The following GALNT5 variants were observed in gnomAD, a reference collection of about 807,000 sequenced individuals.
GALNT5 encodes the protein UDP-GalNAc:polypeptide N-acetylgalactosaminyltransferase 5.
GALNT5 carries 72 observed loss-of-function variants against 85.4 expected under a neutral mutation model. The ratio of observed to expected loss-of-function variants is 0.84; its 90% CI spans 0.70 to 1.03. The LOEUF (loss-of-function observed/expected upper bound fraction) is 1.03. Among genes scored for constraint, GALNT5 ranks in the 50% least tolerant of loss-of-function variants. GALNT5 has a pLI of 0.00. For synonymous variants in GALNT5, 404 were observed against 397.0 expected, an observed-to-expected ratio of 1.02 and a Z score of -0.21; for missense variants, 1,137 against 1,135.5, an observed-to-expected ratio of 1.00 and a Z score of -0.02.
rs138485995 is a variant in GALNT5, at chr2:157,304,390, C to A, written c.2440-1359C>A. On this transcript the variant is annotated intron_variant, in intron 7 of 9. Transcript: ENST00000259056. The stretch of plus-strand genomic sequence containing the variant: ...CAGGCACCTCAGAAGTAATTAACAA[C>A]CTGGTACTATTTTTAATGTTTGTTT... Among the ~76,000 whole-genome samples, 150 of 152,310 alleles carry A rather than the reference C, an allele frequency of 9.8e-4. 2 individuals are homozygous for A. In the East Asian group the frequency reaches 0.018, roughly 18 times the overall value.
intron 5 of GALNT5, chr2:157,298,787 G>A (rs1312129683): frequency 6.6e-6 from 1 of 152,256 alleles, no homozygotes; most frequent in African/African-American, 2.4e-5. Flanking sequence ...ACAGTGGAGT[G>A]AGTGGCACAG....
At chr2:157,300,026 T>C (rs1248253349) in intron 6 of GALNT5, among the ~76,000 whole-genome samples, 3 of 152,216 alleles carry the variant, frequency 2.0e-5, no homozygotes, top group Non-Finnish European at 4.4e-5. Flanking sequence ...TAATGGATCA[T>C]CTTAGAGAAC....
chr2:157,258,962 A>G lies in GALNT5; in HGVS notation c.880A>G (p.Asn294Asp). Reference sequence around the variant, plus strand: ...AAATCGCTTAAGGAAGCAATCTATTAATGAGACACCTTTGGGAAGTTTGTC... The same window carrying G: ...AAATCGCTTAAGGAAGCAATCTATTGATGAGACACCTTTGGGAAGTTTGTC... Reference protein sequence around the residue: ...NSNRLRKQSINETPLGSLSKD... With the variant: ...NSNRLRKQSIDETPLGSLSKD... Residue 294 changes from asparagine (N) to aspartate (D), a missense_variant, in exon 1 of 10, where the codon AAT becomes GAT. Physicochemically the swap from Asn to Asp is conservative, Grantham distance 23. Coordinates refer to ENST00000259056, the MANE Select transcript of GALNT5 (RefSeq NM_014568.3). The G allele has an allele frequency of 1.3e-6, 2 of 1,515,918 alleles. No individual in the cohort carries two copies. Among genetic ancestry groups the G allele is most frequent in the African/African-American group, 1.4e-5 (1 of 71,898 alleles). The allele number at this position is 1,515,918 out of a possible 1,614,324, so 93.9% of individuals were successfully genotyped here.
At chr2:157,261,475 A>T (rs1167712662) in intron 1 of GALNT5, among the ~76,000 whole-genome samples, 1 of 152,180 alleles carries the variant, frequency 6.6e-6, no homozygotes, top group African/African-American at 2.4e-5. Flanking sequence ...AAAAATTGAC[A>T]CATGTGCTTG....
chr2:157,315,290 A>G lies in GALNT5; in HGVS notation c.*3942A>G, dbSNP rs1683676148. 6.6e-6 allele frequency among the ~76,000 whole-genome samples: 1 copy of G among 152,202 alleles called. No individual in the cohort carries two copies. The highest frequency in any genetic ancestry group is 2.4e-5 in the African/African-American group (1 of 41,440). On this transcript the variant is annotated 3_prime_UTR_variant, in exon 10 of 10. Coordinates refer to ENST00000259056, the MANE Select transcript of GALNT5 (RefSeq NM_014568.3). ...CATTCTCCCTGTTATATGAACAAGAAGGATAACTCCCACATACAGATGAGG... is the reference window on the plus strand; with the variant it reads ...CATTCTCCCTGTTATATGAACAAGAGGGATAACTCCCACATACAGATGAGG...
chr2:157,299,189 C>A (rs1201213815), intron 5 of GALNT5: 1 of 156,432 alleles, frequency 6.4e-6, no homozygotes, highest in Non-Finnish European at 1.4e-5. Context: ...ATTGCACACA[C>A]AAGATTTTTT....
intron 1 of GALNT5, among the ~76,000 whole-genome samples, chr2:157,274,365 G>A (rs1682670525): frequency 6.6e-6 from 1 of 151,274 alleles, no homozygotes; most frequent in South Asian, 2.1e-4. Flanking sequence ...ATTTCTATGG[G>A]AATGGTATTT....
intron 3 of GALNT5, among the ~76,000 whole-genome samples, chr2:157,294,430 A>C (rs1683165056): frequency 6.6e-6 from 1 of 152,198 alleles, no homozygotes; most frequent in African/African-American, 2.4e-5. Flanking sequence ...AAAGCACTGA[A>C]TAGTGAGTCA....
In GALNT5 at chr2:157,311,350, G is replaced by A. The variant is rs1173286413; in HGVS notation, c.*2G>A. 4 of 1,587,934 alleles carry A rather than the reference G, an allele frequency of 2.5e-6. No individual in the cohort carries two copies. The highest frequency in any genetic ancestry group is 3.4e-6 in the Non-Finnish European group (4 of 1,163,600). On this transcript the variant is annotated 3_prime_UTR_variant, in exon 10 of 10. Transcript: ENST00000259056. ...TTTGAAAAATATTATGAAGCCTGAA[G>A]TGTAACTGATGTTTTTATATAGTAA...
intron 1 of GALNT5, among the ~76,000 whole-genome samples, chr2:157,281,931 G>T (rs1367263806): frequency 6.6e-6 from 1 of 152,150 alleles, no homozygotes; most frequent in Non-Finnish European, 1.5e-5. Context: ...GAGTACAAAT[G>T]TGAGAGAAAA....
intron 8 of GALNT5, 92 bp from the exon 9 acceptor site, chr2:157,308,475 T>C: frequency 1.2e-6 from 1 of 869,024 alleles, no homozygotes; most frequent in South Asian, 1.8e-5. Flanking sequence ...TCATAGTTCC[T>C]ATATTCTTAA....
At chr2:157,281,771 G>A (rs889888115) in intron 1 of GALNT5, among the ~76,000 whole-genome samples, 4 of 152,156 alleles carry the variant, frequency 2.6e-5, no homozygotes, top group Non-Finnish European at 4.4e-5. Flanking sequence ...AAAATGATCC[G>A]TGTTACATAG....
At chr2:157,269,560 T>A (rs1558890980) in intron 1 of GALNT5, among the ~76,000 whole-genome samples, 2 of 152,212 alleles carry the variant, frequency 1.3e-5, no homozygotes, top group Admixed American at 6.5e-5. Context: ...TAGCATCTAG[T>A]GGAATCTCTC....
intron 1 of GALNT5, among the ~76,000 whole-genome samples, chr2:157,283,071 T>C (rs570062519): frequency 1.3e-5 from 2 of 152,352 alleles, no homozygotes; most frequent in Admixed American, 1.3e-4. Context: ...TCTATTCTTG[T>C]GGATCTAAGG....
chr2:157,302,618 T>A (rs1194521685), intron 7 of GALNT5: 1 of 151,516 alleles, frequency 6.6e-6, no homozygotes, highest in African/African-American at 2.4e-5. Flanking sequence ...ACTATTCTAA[T>A]ATTTCCCATT....
chr2:157,296,479 G>A lies in GALNT5; in HGVS notation c.1963G>A (p.Ala655Thr), dbSNP rs1683216970. Reference sequence around the variant, plus strand: ...GAGAACAATTCCTCCAGATGTCATTGCAAAAAACAGAATTAAAGAAACTGA... The same window carrying A: ...GAGAACAATTCCTCCAGATGTCATTACAAAAAACAGAATTAAAGAAACTGA... Reference protein sequence around the residue: ...GWRTIPPDVIAKNRIKETDTI... With the variant: ...GWRTIPPDVITKNRIKETDTI... Residue 655 changes from alanine (A) to threonine (T), a missense_variant, in exon 5 of 10, where the codon GCA becomes ACA. Physicochemically the swap from Ala to Thr is moderately conservative, Grantham distance 58. Coordinates refer to ENST00000259056, the MANE Select transcript of GALNT5 (RefSeq NM_014568.3). 1 of 1,609,334 alleles carries A rather than the reference G, an allele frequency of 6.2e-7. No homozygotes were observed.
At position 157,258,595 on chromosome 2, in the gene GALNT5, C is replaced by T. The variant is rs1242963829; in HGVS notation, c.513C>T (p.Thr171=). The T allele has an allele frequency of 2.5e-6, 4 of 1,613,374 alleles. No individual in the cohort carries two copies. The Admixed American group carries it at 6.7e-5, about 27-fold the overall frequency. The change falls in exon 1 of 10, where the codon ACC becomes ACT. Residue 171 remains threonine (T), a synonymous_variant. Coordinates refer to ENST00000259056, the MANE Select transcript of GALNT5 (RefSeq NM_014568.3). ...KQTTAQGAPK[T]SFIAAKGTQV... Reference sequence around the variant, plus strand: ...CGACAGCTCAGGGGGCTCCAAAGACCTCATTCATAGCAGCAAAAGGAACTC... The same window carrying T: ...CGACAGCTCAGGGGGCTCCAAAGACTTCATTCATAGCAGCAAAAGGAACTC...
chr2:157,302,243 T>C (rs917079226), intron 7 of GALNT5: 3 of 152,242 alleles, frequency 2.0e-5, no homozygotes, highest in Non-Finnish European at 4.4e-5. Flanking sequence ...GCTTTCTGTC[T>C]GGAAAATCTC....
intron 1 of GALNT5, among the ~76,000 whole-genome samples, chr2:157,270,911 C>A (rs1371408685): frequency 6.6e-6 from 1 of 152,130 alleles, no homozygotes; most frequent in Non-Finnish European, 1.5e-5. Context: ...GTCAGGAGAT[C>A]GAGACCATCC....
Sources: allele counts gnomAD v4.1 joint callset (sites outside exome capture counted in the v4.1 genomes callset), GRCh38; gene constraint gnomAD v4.1.1; transcripts MANE v1.5; gene names NCBI Gene and HGNC (gene_info 2026-07-23, HGNC 2026-07-21).